Variants in SIPA1L3 observed in about 807,000 individuals in gnomAD.
SIPA1L3 encodes signal-induced proliferation-associated 1-like protein 3.
In SIPA1L3, 59 loss-of-function variants were observed where a neutral mutation model predicts 150.1. The observed-to-expected ratio is 0.39, with a 90% CI of 0.32 to 0.49. SIPA1L3 has a LOEUF of 0.49. SIPA1L3 is among the 20% of genes least tolerant of loss of function. The probability of loss-of-function intolerance (pLI) is 0.86; values close to 1 mark genes in which losing one functional copy is unlikely to be tolerated. For synonymous variants in SIPA1L3, 1,070 were observed against 1,077.6 expected, an observed-to-expected ratio of 0.99 and a Z score of 0.14; for missense variants, 2,211 against 2,489.5, an observed-to-expected ratio of 0.89 and a Z score of 2.38.
intron 1 of SIPA1L3, among the ~76,000 whole-genome samples, chr19:38,024,241 T>C (rs1800139538): frequency 2.0e-5 from 3 of 152,216 alleles, no homozygotes; most frequent in South Asian, 2.1e-4. Context: ...TGATAATGCC[T>C]GCTTCATAGG....
At chr19:38,018,306 A>T (rs563358383) in intron 1 of SIPA1L3, among the ~76,000 whole-genome samples, 1 of 151,592 alleles carries the variant, frequency 6.6e-6, no homozygotes, top group African/African-American at 2.4e-5. Flanking sequence ...TGGGATCACA[A>T]GCGCGCACCA....
At chr19:38,176,856 A>C (rs1463637555) in intron 15 of SIPA1L3, among the ~76,000 whole-genome samples, 1 of 152,090 alleles carries the variant, frequency 6.6e-6, no homozygotes, top group African/African-American at 2.4e-5. Context: ...CTGTAATCCC[A>C]GCTACTCGAG....
intron 1 of SIPA1L3, among the ~76,000 whole-genome samples, chr19:37,989,536 C>T (rs1167328631): frequency 6.6e-6 from 1 of 152,194 alleles, no homozygotes; most frequent in Non-Finnish European, 1.5e-5. Flanking sequence ...CCCAGCTATG[C>T]AGCACCTATC....
At chr19:38,195,435 G>A (rs1972900490) in intron 18 of SIPA1L3, among the ~76,000 whole-genome samples, 1 of 152,190 alleles carries the variant, frequency 6.6e-6, no homozygotes, top group Admixed American at 6.5e-5. Context: ...GTGCCAGGAT[G>A]TGGCCCTGAG....
intron 1 of SIPA1L3, among the ~76,000 whole-genome samples, chr19:37,918,856 G>C (rs2046434325): frequency 6.6e-6 from 1 of 150,772 alleles, no homozygotes; most frequent in African/African-American, 2.4e-5. Context: ...GGGCGGCAGA[G>C]CGAGACTCGG....
chr19:37,978,458 C>T (rs914574765), intron 1 of SIPA1L3, among the ~76,000 whole-genome samples: 3 of 152,086 alleles, frequency 2.0e-5, no homozygotes, highest in African/African-American at 2.4e-5. Context: ...TCACAATGGC[C>T]CATGAAGCCA....
At chr19:37,942,557 T>C (rs952392299) in intron 1 of SIPA1L3, among the ~76,000 whole-genome samples, 2 of 7,366 alleles carry the variant, frequency 2.7e-4, no homozygotes, top group Non-Finnish European at 5.6e-4. Context: ...GAGACGGGGG[T>C]GGCGGGGGAG....
intron 2 of SIPA1L3, among the ~76,000 whole-genome samples, chr19:38,067,802 C>T (rs1476249831): frequency 1.3e-5 from 2 of 151,796 alleles, no homozygotes; most frequent in Admixed American, 1.3e-4. Flanking sequence ...GTCCTCTGGG[C>T]TCTTTGACGT....
chr19:37,988,018 T>A (rs1401096626), intron 1 of SIPA1L3, among the ~76,000 whole-genome samples: 1 of 152,184 alleles, frequency 6.6e-6, no homozygotes, highest in Non-Finnish European at 1.5e-5. Flanking sequence ...TATTCTCCCC[T>A]CCTCCTACAG....
chr19:38,194,064 G>C (rs1267261694), intron 18 of SIPA1L3, among the ~76,000 whole-genome samples: 1 of 152,110 alleles, frequency 6.6e-6, no homozygotes, highest in Non-Finnish European at 1.5e-5. Context: ...TCCACCCTCA[G>C]GGTACAGGCC....
chr19:38,165,892 A>G (rs924718175), intron 15 of SIPA1L3, among the ~76,000 whole-genome samples: 4 of 152,154 alleles, frequency 2.6e-5, no homozygotes, highest in African/African-American at 9.7e-5. Context: ...CCTCCCGAGT[A>G]GCTGAGATTA....
intron 15 of SIPA1L3, among the ~76,000 whole-genome samples, chr19:38,179,294 T>G (rs763419678): frequency 6.6e-6 from 1 of 152,092 alleles, no homozygotes; most frequent in Non-Finnish European, 1.5e-5. Context: ...ATACAAAAAT[T>G]AGCTGGGCGT....
intron 7 of SIPA1L3, among the ~76,000 whole-genome samples, chr19:38,107,991 AG>A (rs530187060): frequency 0.027 from 4,157 of 151,880 alleles, 181 homozygotes; most frequent in African/African-American, 0.095. Context: ...GAGAAAAAAA[AG>A]CAAAAAAAAA....
At chr19:38,170,403 C>G (rs1353675325) in intron 15 of SIPA1L3, among the ~76,000 whole-genome samples, 2 of 152,092 alleles carry the variant, frequency 1.3e-5, no homozygotes, top group South Asian at 2.1e-4. Context: ...CAGCAGCCCC[C>G]CTCATGTGCT....
chr19:38,083,052 A>T lies in SIPA1L3; in HGVS notation c.1487A>T (p.His496Leu), dbSNP rs774891539. 1 of 1,612,786 alleles carries T rather than the reference A, an allele frequency of 6.2e-7. No homozygotes were observed. Among genetic ancestry groups the T allele is most frequent in the African/African-American group, 1.3e-5 (1 of 75,034 alleles). The stretch of plus-strand genomic sequence containing the variant: ...CGGCCCCGGCAGTACAGCATCGAGC[A>T]TGTGGACCTGGGCGCCCGCTACTAC... The part of the protein sequence containing the change: ...QSRPRQYSIE[H>L]VDLGARYYQD... Residue 496 changes from histidine to leucine, a missense_variant, in exon 3 of 22, where the codon CAT becomes CTT. This residue lies in a region of SIPA1L3 where 625 missense variants were observed against 804.2 expected (regional missense o/e 0.78). Transcript: ENST00000222345.
At chr19:37,983,422 G>C (rs1419442351) in intron 1 of SIPA1L3, among the ~76,000 whole-genome samples, 1 of 152,168 alleles carries the variant, frequency 6.6e-6, no homozygotes, top group Non-Finnish European at 1.5e-5. Flanking sequence ...AAGGTTACGT[G>C]AGTTGAAATG....
At position 38,046,738 on chromosome 19, in the gene SIPA1L3, C is replaced by A. The variant is rs1969069302; in HGVS notation, c.-311+17582C>A. 6.6e-6 allele frequency among the ~76,000 whole-genome samples: 1 copy of A among 152,222 alleles called. No individual in the cohort carries two copies. Among genetic ancestry groups the A allele is most frequent in the Non-Finnish European group, 1.5e-5 (1 of 68,032 alleles). ...CAGCTCCTCTGACCCCGCAACCCGG[C>A]ATCTCCTGTGCCCGAGTGGCGTCTG... On this transcript the variant is annotated intron_variant, in intron 2 of 21. Coordinates refer to ENST00000222345, the MANE Select transcript of SIPA1L3 (RefSeq NM_015073.3). The surrounding 1 kb of genome is among the most constrained non-coding windows in gnomAD (Gnocchi z 5.6).
chr19:38,119,776 C>T lies in SIPA1L3; in HGVS notation c.2762C>T (p.Pro921Leu). The change falls in exon 9 of 22, where the codon CCA becomes CTA. Residue 921 changes from proline (P) to leucine (L), a missense_variant. Transcript: ENST00000222345. Reference sequence around the variant, plus strand: ...TGCGGGGATGTCATTGGCTGGACTCCAGACTCCTCCACACTCAAAATCTTC... The same window carrying T: ...TGCGGGGATGTCATTGGCTGGACTCTAGACTCCTCCACACTCAAAATCTTC... ...CYCGDVIGWT[P>L]DSSTLKIFYG... 6.2e-7 allele frequency: 1 copy of T among 1,614,010 alleles called. No homozygotes were observed. The highest frequency in any genetic ancestry group is 8.5e-7 in the Non-Finnish European group (1 of 1,180,038).
chr19:38,082,314 T>C lies in SIPA1L3; in HGVS notation c.749T>C (p.Leu250Pro), dbSNP rs759360585. The change falls in exon 3 of 22, where the codon CTC becomes CCC. Residue 250 changes from leucine to proline, a missense_variant. Physicochemically the swap from Leu to Pro is moderately conservative, Grantham distance 98. Transcript: ENST00000222345. ...CTCCGGGCAGATCCTGGCCCACACC[T>C]CATGGGGGGCGGCGGCGGAGCCAAG... ...ELLRADPGPH[L>P]MGGGGGAKGD... 1 of 1,599,034 alleles carries C rather than the reference T, an allele frequency of 6.3e-7. No homozygotes were observed. The highest frequency in any genetic ancestry group is 1.1e-5 in the South Asian group (1 of 90,950).
Sources: gnomAD v4.1 joint callset for allele counts (sites outside exome capture counted in the v4.1 genomes callset) on GRCh38, gnomAD v4.1.1 for gene constraint, gnomAD v4.1.1 regional missense constraint, Gnocchi (gnomAD v3.1) non-coding constraint, MANE v1.5 for transcripts, NCBI Gene and HGNC (gene_info 2026-07-23, HGNC 2026-07-21) for gene names.